Variants in DEAF1 observed in about 807,000 individuals in gnomAD.
The protein encoded by DEAF1 is DEAF1 transcription factor.
In DEAF1, 53 loss-of-function variants were observed where a neutral mutation model predicts 58.9. The ratio of observed to expected loss-of-function variants is 0.90; its 90% CI spans 0.72 to 1.13. The LOEUF (loss-of-function observed/expected upper bound fraction) is 1.13. Among genes scored for constraint, DEAF1 ranks in the 50% most tolerant of loss-of-function variants. The pLI is 0.00. For synonymous variants in DEAF1, 385 were observed against 340.4 expected, an observed-to-expected ratio of 1.13 and a Z score of -1.44; for missense variants, 685 against 791.4, an observed-to-expected ratio of 0.87 and a Z score of 1.61.
At chr11:703,310 A>G in intron 1 of DEAF1, 1 of 1,423,386 alleles carries the variant, frequency 7.0e-7, no homozygotes, top group Non-Finnish European at 9.2e-7. Flanking sequence ...GAGTGGGAGC[A>G]GGAGCCAGGG....
chr11:686,787 C>A, intron 5 of DEAF1, 71 bp downstream of exon 5: 1 of 1,606,198 alleles, frequency 6.2e-7, no homozygotes, highest in South Asian at 1.1e-5. Flanking sequence ...TGCCCTCCCT[C>A]TGGCTGGGCC....
chr11:653,773 G>A (rs889256131), intron 11 of DEAF1, among the ~76,000 whole-genome samples, 189 bp downstream of exon 11: 1 of 152,170 alleles, frequency 6.6e-6, no homozygotes, highest in Non-Finnish European at 1.5e-5. Context: ...AGCACTACCT[G>A]GCCATGTCAC....
intron 9 of DEAF1, 64 bp downstream of exon 9, chr11:678,630 T>A (rs1194869358): frequency 1.2e-5 from 19 of 1,609,958 alleles, no homozygotes; most frequent in Non-Finnish European, 1.5e-5. Flanking sequence ...CACTTAGGAA[T>A]TCTTTCATTG....
At chr11:705,404 A>G (rs12293143) in intron 1 of DEAF1, 18,680 of 154,410 alleles carry the variant, frequency 0.12, 1,431 homozygotes, top group African/African-American at 0.2. Context: ...GCCATCCTGG[A>G]AGCCGGGCAG....
chr11:689,505 C>G (rs1337899071), intron 2 of DEAF1, among the ~76,000 whole-genome samples: 1 of 152,084 alleles, frequency 6.6e-6, no homozygotes, highest in Non-Finnish European at 1.5e-5. Context: ...GCCACCGCGC[C>G]CAGCTGACAA....
At chr11:697,020 G>A (rs964796283), upstream of DEAF1, among the ~76,000 whole-genome samples, 1 of 151,482 alleles carries the variant, frequency 6.6e-6, no homozygotes, top group Non-Finnish European at 1.5e-5. Context: ...GGTGGTGGGG[G>A]GGGTGGGGTG....
rs780285496 is a variant in DEAF1, at chr11:644,675, A to C, written c.1594-21T>G. The C allele has an allele frequency of 6.3e-7, 1 of 1,582,740 alleles. No individual in the cohort carries two copies. ...CAGTCCTGGAAGGGAGGACACACCC[A>C]TGTCAGCAGGGTCAGTGGGTGGAGC... On this transcript the variant is annotated intron_variant, in intron 11 of 11. Transcript: ENST00000382409. This position sits in a 1 kb window ranked among gnomAD's most constrained non-coding sequence, Gnocchi z 4.3.
chr11:671,090 G>A lies in DEAF1; in HGVS notation c.1503+3446C>T, dbSNP rs768048604. 3.0e-3 allele frequency among the ~76,000 whole-genome samples: 446 copies of A among 148,602 alleles called. 4 individuals carry two copies. Among genetic ancestry groups the A allele is most frequent in the Non-Finnish European group, 1.1e-3 (71 of 67,044 alleles). ...ACTACAGGCGCCCGCCACCACGCCC[G>A]GCTAATTTTTTGTATTTTTAGTAGA... On this transcript the variant is annotated intron_variant, in intron 10 of 11. Transcript: ENST00000382409.
Position 694,962 on chromosome 11 carries a change from G to A in DEAF1, c.86C>T (p.Ala29Val), listed in dbSNP as rs1219925185. 5.5e-6 allele frequency: 6 copies of A among 1,089,624 alleles called. No homozygotes were observed. The highest frequency in any genetic ancestry group is 5.6e-6 in the Non-Finnish European group (5 of 893,554). The allele number at this position is 1,089,624 out of a possible 1,614,324, so 67.5% of individuals were successfully genotyped here. A position where few individuals can be genotyped will look rare whatever the true frequency, so the allele number is the denominator to read the frequency against. The change falls in exon 1 of 12, where the codon GCC becomes GTC. Residue 29 changes from alanine to valine, a missense_variant. Physicochemically the swap from Ala to Val is moderately conservative, Grantham distance 64. This residue lies in a region of DEAF1 where 210 missense variants were observed against 177.3 expected (regional missense o/e 1.18). Coordinates refer to ENST00000382409, the MANE Select transcript of DEAF1 (RefSeq NM_021008.4). ...VAAAAAVAAA[A>V]AAAAGGEAEE... ...CGCCTCGCCTCCTGCCGCGGCCGCG[G>A]CCGCCGCCGCCACAGCGGCCGCGGC... is the stretch of plus-strand genomic sequence containing the variant.
chr11:658,250 A>G (rs952015649), intron 10 of DEAF1, among the ~76,000 whole-genome samples: 5 of 152,162 alleles, frequency 3.3e-5, no homozygotes, highest in African/African-American at 4.8e-5. Context: ...AACACGGTGA[A>G]ACCCTGTCTC....
At chr11:661,203 G>A (rs1304982606) in intron 10 of DEAF1, among the ~76,000 whole-genome samples, 3 of 152,140 alleles carry the variant, frequency 2.0e-5, no homozygotes, top group African/African-American at 7.2e-5. Flanking sequence ...AACAAGCCGG[G>A]GCCAGGGCAG....
At position 694,959 on chromosome 11, in the gene DEAF1, G is replaced by A. The variant is rs2133439391; in HGVS notation, c.89C>T (p.Ala30Val). Residue 30 changes from alanine (A) to valine (V), a missense_variant, in exon 1 of 12, where the codon GCG (alanine) becomes GTG (valine). Coordinates refer to ENST00000382409, the MANE Select transcript of DEAF1 (RefSeq NM_021008.4). ...AAAAAVAAAA[A>V]AAAGGEAEEP... ...CTCCGCCTCGCCTCCTGCCGCGGCC[G>A]CGGCCGCCGCCGCCACAGCGGCCGC... 2 of 1,183,740 alleles carry A rather than the reference G, an allele frequency of 1.7e-6. No homozygotes were observed. The highest frequency in any genetic ancestry group is 2.1e-6 in the Non-Finnish European group (2 of 958,296). 73.3% of individuals were successfully genotyped at this position (1,183,740 alleles called of 1,614,324 possible).
At chr11:674,427 G>C in intron 10 of DEAF1, 109 bp downstream of exon 10, 7 of 1,465,748 alleles carry the variant, frequency 4.8e-6, no homozygotes, top group Non-Finnish European at 5.7e-6. Flanking sequence ...AGAAAGGTGG[G>C]GCAGGGGCCT....
At chr11:692,915 T>C (rs1472305204) in intron 1 of DEAF1, among the ~76,000 whole-genome samples, 4 of 151,170 alleles carry the variant, frequency 2.6e-5, no homozygotes, top group African/African-American at 9.7e-5. Context: ...AGGTGCACGG[T>C]TCCCTCATCC....
chr11:696,791 C>T (rs1368302145), upstream of DEAF1, among the ~76,000 whole-genome samples: 5 of 148,924 alleles, frequency 3.4e-5, no homozygotes, highest in African/African-American at 1.2e-4. Flanking sequence ...AAAATTACCC[C>T]GGGGAAGGCC....
chr11:704,622 G>C (rs1388499199), intron 1 of DEAF1: 2 of 1,289,278 alleles, frequency 1.6e-6, no homozygotes. Flanking sequence ...CCCTGAAGCT[G>C]GAGACCTGTT....
intron 1 of DEAF1, chr11:705,547 C>G (rs1861676754): frequency 6.5e-6 from 1 of 154,714 alleles, no homozygotes; most frequent in Non-Finnish European, 1.4e-5. Flanking sequence ...CCCCATCCCT[C>G]AGTGCCCAGG....
intron 1 of DEAF1, among the ~76,000 whole-genome samples, chr11:693,324 C>T (rs1860918082): frequency 6.6e-6 from 1 of 152,178 alleles, no homozygotes; most frequent in South Asian, 2.1e-4. Context: ...CTGAGAGTCA[C>T]AAAGCCTTCC....
intron 11 of DEAF1, among the ~76,000 whole-genome samples, chr11:652,532 GGA>G: frequency 6.6e-6 from 1 of 152,110 alleles, no homozygotes; most frequent in South Asian, 2.1e-4. Flanking sequence ...CAGCTACTCG[GGA>G]GGCTGAGGTA....
Sources: allele counts gnomAD v4.1 joint callset (sites outside exome capture counted in the v4.1 genomes callset), GRCh38; gene constraint gnomAD v4.1.1; regional missense constraint gnomAD v4.1.1; non-coding constraint Gnocchi (gnomAD v3.1); transcripts MANE v1.5; gene names NCBI Gene and HGNC (gene_info 2026-07-23, HGNC 2026-07-21).